The following NAT1 variants were observed in gnomAD, a reference collection of about 807,000 sequenced individuals.
NAT1 encodes the protein N-acetyltransferase 1.
For missense variants in NAT1, 400 were observed against 339.2 expected (o/e 1.18, Z -1.41); for synonymous variants, 144 against 122.6 (o/e 1.17, Z -1.16).
intron 2 of NAT1, among the ~76,000 whole-genome samples, chr8:18,181,017 A>AT (rs992578722): frequency 6.6e-5 from 10 of 151,694 alleles, no homozygotes; most frequent in Non-Finnish European, 1.5e-4. Context: ...ACATTTTAGA[A>AT]TTTTTTTTCT....
At chr8:18,185,944 T>C (rs982172769) in intron 2 of NAT1, among the ~76,000 whole-genome samples, 6 of 152,194 alleles carry the variant, frequency 3.9e-5, no homozygotes, top group Non-Finnish European at 8.8e-5. Flanking sequence ...TTTACAAATA[T>C]TTAGAAAGTT....
chr8:18,219,045 T>A (rs1229061798), intron 1 of NAT1, among the ~76,000 whole-genome samples: 1 of 152,186 alleles, frequency 6.6e-6, no homozygotes, highest in African/African-American at 2.4e-5. Flanking sequence ...TGGTCTTTGA[T>A]GTGTTTGGTA....
intron 2 of NAT1, chr8:18,201,345 G>A (rs1364701224): frequency 1.3e-5 from 2 of 152,092 alleles, no homozygotes; most frequent in African/African-American, 4.8e-5. Flanking sequence ...ATTAAAATGA[G>A]TACTATAATA....
Position 18,177,998 on chromosome 8 carries a change from T to C in NAT1, n.92+7259T>C, listed in dbSNP as rs78326863. Among the ~76,000 whole-genome samples, 30 of 152,216 alleles carry C rather than the reference T, an allele frequency of 2.0e-4. No homozygotes were observed. The East Asian group carries it at 5.6e-3, about 28-fold the overall frequency. On this transcript the variant is annotated intron_variant and non_coding_transcript_variant, in intron 2 of 4. Transcript: ENST00000517441. ...TGAGTCAGCTATTAACTTTCTCTCT[T>C]CTTACATCCTCCCTGGATTTTCTAA... is the stretch of plus-strand genomic sequence containing the variant.
intron 2 of NAT1, among the ~76,000 whole-genome samples, chr8:18,190,647 G>T (rs537077275): frequency 1.3e-5 from 2 of 152,338 alleles, no homozygotes; most frequent in African/African-American, 4.8e-5. Flanking sequence ...TGCTGAAATA[G>T]CATGTGGAGC....
chr8:18,198,634 G>C (rs1237472428), intron 2 of NAT1, among the ~76,000 whole-genome samples: 1 of 152,218 alleles, frequency 6.6e-6, no homozygotes, highest in African/African-American at 2.4e-5. Flanking sequence ...TAGTACTGAA[G>C]TATAATTGAC....
At chr8:18,179,612 C>A (rs759784344) in intron 2 of NAT1, among the ~76,000 whole-genome samples, 2 of 152,158 alleles carry the variant, frequency 1.3e-5, no homozygotes, top group Admixed American at 1.3e-4. Flanking sequence ...CTGCTGGAGT[C>A]TGCAGACCCC....
At chr8:18,188,481 T>A (rs146072822) in intron 2 of NAT1, among the ~76,000 whole-genome samples, 1 of 152,176 alleles carries the variant, frequency 6.6e-6, no homozygotes, top group Non-Finnish European at 1.5e-5. Context: ...GTTATAACTT[T>A]ATTAGCTTTT....
intron 2 of NAT1, among the ~76,000 whole-genome samples, chr8:18,184,915 T>C (rs557121518): frequency 6.6e-6 from 1 of 152,370 alleles, no homozygotes; most frequent in Non-Finnish European, 1.5e-5. Flanking sequence ...TTATCAAATG[T>C]ACAGTGATAT....
At chr8:18,193,335 C>A (rs1803093308) in intron 2 of NAT1, among the ~76,000 whole-genome samples, 2 of 150,332 alleles carry the variant, frequency 1.3e-5, no homozygotes, top group Non-Finnish European at 3.0e-5. Flanking sequence ...CACACCTCGA[C>A]CTCCTGTAGC....
At chr8:18,183,173 C>G (rs577767598) in intron 2 of NAT1, among the ~76,000 whole-genome samples, 21 of 152,198 alleles carry the variant, frequency 1.4e-4, no homozygotes, top group African/African-American at 3.9e-4. Flanking sequence ...TGAAAAGGAC[C>G]AAGAGAGAGC....
Position 18,219,415 on chromosome 8 carries a change from C to G in NAT1, c.-81C>G, listed in dbSNP as rs935821553. The G allele has an allele frequency of 9.1e-6, 14 of 1,546,340 alleles. No individual in the cohort carries two copies. The highest frequency in any genetic ancestry group is 2.0e-5 in the Admixed American group (1 of 50,150). Reference sequence around the variant, plus strand: ...TGTCTTTTCTCTTATTTCTAGAATTCAAGCCAGGAAGAAGCAGCAATCTGT... The same window carrying G: ...TGTCTTTTCTCTTATTTCTAGAATTGAAGCCAGGAAGAAGCAGCAATCTGT... On this transcript the variant is annotated 5_prime_UTR_variant, in exon 2 of 3. Coordinates refer to ENST00000307719, the MANE Select transcript of NAT1 (RefSeq NM_000662.8).
intron 2 of NAT1, among the ~76,000 whole-genome samples, chr8:18,193,512 T>C (rs938974241): frequency 1.4e-5 from 2 of 140,444 alleles, no homozygotes; most frequent in African/African-American, 5.7e-5. Flanking sequence ...ATATAATATA[T>C]ATATATATAT....
At chr8:18,181,813 C>T (rs1052636615) in intron 2 of NAT1, among the ~76,000 whole-genome samples, 7 of 152,056 alleles carry the variant, frequency 4.6e-5, no homozygotes, top group South Asian at 2.1e-4. Context: ...GAAATGTTTC[C>T]GCTTCAGTCA....
intron 1 of NAT1, among the ~76,000 whole-genome samples, chr8:18,213,068 C>CTTT (rs34278443): frequency 0.057 from 8,124 of 142,622 alleles, 348 homozygotes; most frequent in Non-Finnish European, 0.087. Context: ...CCACACCTCG[C>CTTT]TTTTTTTTTT....
chr8:18,205,493 G>A (rs1029323229), upstream of NAT1, among the ~76,000 whole-genome samples: 1 of 152,180 alleles, frequency 6.6e-6, no homozygotes, highest in Admixed American at 6.5e-5. Context: ...CAAGAGTGGG[G>A]CACTGGCGGG....
intron 2 of NAT1, among the ~76,000 whole-genome samples, chr8:18,197,234 C>A (rs1296271300): frequency 2.0e-5 from 3 of 152,150 alleles, no homozygotes; most frequent in Non-Finnish European, 4.4e-5. Context: ...GATGAGATTG[C>A]GTTGGGGACT....
At chr8:18,173,399 C>T (rs1802171961) in intron 2 of NAT1, among the ~76,000 whole-genome samples, 1 of 152,102 alleles carries the variant, frequency 6.6e-6, no homozygotes, top group South Asian at 2.1e-4. Flanking sequence ...GTTCTTTTAT[C>T]ATCCTGTTTA....
chr8:18,182,455 C>T (rs1367766214), intron 2 of NAT1, among the ~76,000 whole-genome samples: 2 of 152,100 alleles, frequency 1.3e-5, no homozygotes, highest in African/African-American at 2.4e-5. Context: ...TTACCTTTTA[C>T]TTTTAGGTCT....
Sources: gnomAD v4.1 joint callset for allele counts (sites outside exome capture counted in the v4.1 genomes callset) on GRCh38, gnomAD v4.1.1 for gene constraint, MANE v1.5 for transcripts, NCBI Gene and HGNC (gene_info 2026-07-23, HGNC 2026-07-21) for gene names.